The following AKAP8 variants were observed in gnomAD, a reference collection of about 807,000 sequenced individuals.
AKAP8 encodes the protein A-kinase anchoring protein 8.
A neutral mutation model predicts 67.5 loss-of-function variants in AKAP8; 24 were observed. The observed-to-expected ratio is 0.36, with a 90% confidence interval of 0.26 to 0.50. The LOEUF (loss-of-function observed/expected upper bound fraction) is 0.50, where lower values mean the gene tolerates loss of function less well. Among genes scored for constraint, AKAP8 ranks in the 20% least tolerant of loss-of-function variants. AKAP8 has a pLI of 0.97. For synonymous variants in AKAP8, 400 were observed against 371.1 expected (o/e 1.08, Z -0.90); for missense variants, 971 against 955.9 (o/e 1.02, Z -0.21).
At chr19:15,359,100 A>C (rs1174479681) in intron 12 of AKAP8, 38 bp from the exon 13 acceptor site, 1 of 1,581,518 alleles carries the variant, frequency 6.3e-7, no homozygotes, top group Admixed American at 1.7e-5. Context: ...TAAAAATGGC[A>C]AAGATTAAGG....
rs1967211721 is a variant in AKAP8 at position 15,374,149 on chromosome 19, T to C, written c.92-84A>G. Reference sequence around the variant, plus strand: ...GACACAACCGGGGAGGGGCACCCGCTGCCACGGAGAAGGAAAACGGGTGTG... The same window carrying C: ...GACACAACCGGGGAGGGGCACCCGCCGCCACGGAGAAGGAAAACGGGTGTG... On this transcript the variant is annotated intron_variant, in intron 3 of 13. Transcript: ENST00000269701. 4.8e-6 allele frequency: 7 copies of C among 1,462,000 alleles called. No individual in the cohort carries two copies. The East Asian group carries it at 1.6e-4, about 34-fold the overall frequency. 90.6% of individuals were successfully genotyped at this position (1,462,000 alleles called of 1,614,324 possible).
At chr19:15,375,642 G>GTTT (rs58762120) in intron 2 of AKAP8, among the ~76,000 whole-genome samples, 105 of 142,460 alleles carry the variant, frequency 7.4e-4, no homozygotes, top group Non-Finnish European at 1.2e-3. Flanking sequence ...TTTTTTTTTT[G>GTTT]TTTTTTTTTT....
At chr19:15,363,988 T>C (rs930838002) in intron 9 of AKAP8, among the ~76,000 whole-genome samples, 30 of 150,870 alleles carry the variant, frequency 2.0e-4, no homozygotes, top group Non-Finnish European at 1.2e-4. Flanking sequence ...CACTCCCTAA[T>C]CTCAAGTACC....
intron 4 of AKAP8, 55 bp from the exon 5 acceptor site, chr19:15,373,395 A>G: frequency 6.5e-7 from 1 of 1,541,822 alleles, no homozygotes; most frequent in South Asian, 1.3e-5. Context: ...CCACTGCCAC[A>G]CTCCCTCAGT....
chr19:15,355,847 C>T (rs2145056910), intron 13 of AKAP8, among the ~76,000 whole-genome samples: 1 of 152,150 alleles, frequency 6.6e-6, no homozygotes, highest in East Asian at 1.9e-4. Flanking sequence ...AGTGATTCTC[C>T]TGCCTCAGCC....
rs962665377 is a variant in AKAP8 at position 15,360,963 on chromosome 19, T to A, written c.1412A>T (p.His471Leu). 3 of 1,613,198 alleles carry A rather than the reference T, an allele frequency of 1.9e-6. No homozygotes were observed. The highest frequency in any genetic ancestry group is 2.5e-6 in the Non-Finnish European group (3 of 1,179,772). The change falls in exon 12 of 14, where the codon CAC becomes CTC. Residue 471 changes from histidine (H) to leucine (L), a missense_variant. This residue lies in a region of AKAP8 where 763 missense variants were observed against 745.4 expected (regional missense o/e 1.02). Transcript: ENST00000269701. ...AGCAGCCTCGATCTTCTTGAAGAAG[T>A]GCTCCTGGCCAATCCCTGCCAGGAA... ...PDPFKGIGQE[H>L]FFKKIEAAHC...
At chr19:15,365,597 G>GC (rs763959353) in intron 9 of AKAP8, among the ~76,000 whole-genome samples, 1 of 152,216 alleles carries the variant, frequency 6.6e-6, no homozygotes, top group African/African-American at 2.4e-5. Context: ...TCTGCAGACA[G>GC]CCCCTACGTA....
chr19:15,354,180 G>C lies in AKAP8; in HGVS notation c.*735C>G, dbSNP rs745736952. ...TCTTTGTAAATACATTTGAGTGGTA[G>C]TAACTAATTTTAAAGGAAAAAAACC... On this transcript the variant is annotated 3_prime_UTR_variant, in exon 14 of 14. Coordinates refer to ENST00000269701, the MANE Select transcript of AKAP8 (RefSeq NM_005858.4). The C allele has an allele frequency of 9.2e-5, 14 of 151,984 alleles. No homozygotes were observed. The highest frequency in any genetic ancestry group is 3.4e-4 in the African/African-American group (14 of 41,384). The allele number at this position is 151,984 out of a possible 1,614,324, so 9.4% of individuals were successfully genotyped here. A position where few individuals can be genotyped will look rare whatever the true frequency, so the allele number is the denominator to read the frequency against.
rs755021697 is a variant in AKAP8 at position 15,360,855 on chromosome 19, T to C, written c.1520A>G (p.Asn507Ser). 6.2e-7 allele frequency: 1 copy of C among 1,612,884 alleles called. No homozygotes were observed. The highest frequency in any genetic ancestry group is 8.5e-7 in the Non-Finnish European group (1 of 1,179,540). The change falls in exon 12 of 14, where the codon AAC becomes AGC. Residue 507 changes from asparagine (N) to serine (S), a missense_variant. This residue lies in a region of AKAP8 where 763 missense variants were observed against 745.4 expected (regional missense o/e 1.02). Transcript: ENST00000269701. ...RHLHSVDHNH[N>S]RRLAAEQFKK... Reference sequence around the variant, plus strand: ...GTGGGGAGGAAGACTCACCCTGCGGTTGTGATTGTGGTCCACGGAGTGCAG... The same window carrying C: ...GTGGGGAGGAAGACTCACCCTGCGGCTGTGATTGTGGTCCACGGAGTGCAG...
chr19:15,356,195 T>C (rs1474050987), intron 13 of AKAP8, among the ~76,000 whole-genome samples: 1 of 149,346 alleles, frequency 6.7e-6, no homozygotes, highest in African/African-American at 2.5e-5. Context: ...GGTCAGGAGA[T>C]GGACACCATC....
chr19:15,371,081 T>A (rs1351109422), intron 7 of AKAP8, among the ~76,000 whole-genome samples: 1 of 152,072 alleles, frequency 6.6e-6, no homozygotes, highest in African/African-American at 2.4e-5. Flanking sequence ...ACCAGCAAAA[T>A]AGGGATCAAG....
intron 4 of AKAP8, 185 bp downstream of exon 4, chr19:15,373,601 C>A: frequency 1.1e-6 from 1 of 946,132 alleles, no homozygotes; most frequent in Non-Finnish European, 1.5e-6. Flanking sequence ...CGCCCAAGCC[C>A]CGCCATGAAG....
Position 15,372,421 on chromosome 19 carries a change from G to T in AKAP8, c.862-74C>A, listed in dbSNP as rs761129872. 2.5e-6 allele frequency: 4 copies of T among 1,578,160 alleles called. No individual in the cohort carries two copies. In the East Asian group the frequency reaches 6.8e-5, roughly 27 times the overall value. ...ATGCCCCACAGAAAAGAACAAGGAG[G>T]TTGTAGGATCAGACAACACAGGCAC... On this transcript the variant is annotated intron_variant, in intron 5 of 13. Transcript: ENST00000269701.
rs1047319287 is a variant in AKAP8 at position 15,369,908 on chromosome 19, C to T, written c.1072+238G>A. On this transcript the variant is annotated intron_variant, in intron 8 of 13. Coordinates refer to ENST00000269701, the MANE Select transcript of AKAP8 (RefSeq NM_005858.4). The surrounding 1 kb of genome is among the most constrained non-coding windows in gnomAD (Gnocchi z 4.6). ...CACCCAAGGCTGCCCCCCATCCCCA[C>T]TGCAGCCCACATCGGGTCAGGCAGA... is the stretch of plus-strand genomic sequence containing the variant. Among the ~76,000 whole-genome samples, 3 of 152,256 alleles carry T rather than the reference C, an allele frequency of 2.0e-5. No homozygotes were observed. The highest frequency in any genetic ancestry group is 4.4e-5 in the Non-Finnish European group (3 of 68,040).
At position 15,374,643 on chromosome 19, in the gene AKAP8, G is replaced by C; in HGVS notation, c.59-8C>G. 1.2e-6 allele frequency: 2 copies of C among 1,613,448 alleles called. No individual in the cohort carries two copies. The highest frequency in any genetic ancestry group is 8.5e-7 in the Non-Finnish European group (1 of 1,179,700). On this transcript the variant is annotated splice_region_variant and splice_polypyrimidine_tract_variant and intron_variant, in intron 2 of 13. Coordinates refer to ENST00000269701, the MANE Select transcript of AKAP8 (RefSeq NM_005858.4). The stretch of plus-strand genomic sequence containing the variant: ...CACCAGTTCCATATGCACCTTAGGG[G>C]AAACAGAAACACACAAGAGCCCTGT...
chr19:15,357,682 ATAT>A (rs1245655246), intron 13 of AKAP8, among the ~76,000 whole-genome samples: 1 of 150,494 alleles, frequency 6.6e-6, no homozygotes, highest in Non-Finnish European at 1.5e-5. Context: ...CAAAGGTAAA[ATAT>A]ACATCAGTCA....
intron 1 of AKAP8, among the ~76,000 whole-genome samples, chr19:15,377,416 A>G (rs570029426): frequency 4.6e-5 from 7 of 152,344 alleles, no homozygotes; most frequent in African/African-American, 1.7e-4. Flanking sequence ...GTAACTGAAA[A>G]CAAGCATGGG....
At chr19:15,356,609 G>T (rs927688698) in intron 13 of AKAP8, among the ~76,000 whole-genome samples, 1 of 151,976 alleles carries the variant, frequency 6.6e-6, no homozygotes, top group African/African-American at 2.4e-5. Flanking sequence ...ATCCAAGTCT[G>T]ACTCCCTCAG....
chr19:15,376,743 G>C (rs890364921), intron 2 of AKAP8, among the ~76,000 whole-genome samples: 1 of 152,200 alleles, frequency 6.6e-6, no homozygotes, highest in African/African-American at 2.4e-5. Context: ...TGTATTGTCT[G>C]TAAGTAACTA....
Sources: allele counts gnomAD v4.1 joint callset (sites outside exome capture counted in the v4.1 genomes callset), GRCh38; gene constraint gnomAD v4.1.1; regional missense constraint gnomAD v4.1.1; non-coding constraint Gnocchi (gnomAD v3.1); transcripts MANE v1.5; gene names NCBI Gene and HGNC (gene_info 2026-07-23, HGNC 2026-07-21).